The following RBMS3 variants were observed in gnomAD, a reference collection of about 807,000 sequenced individuals.
RBMS3 encodes the protein RNA-binding motif, single-stranded-interacting protein 3.
Under a neutral mutation model 66.8 loss-of-function variants are expected in RBMS3, and 27 were observed. The ratio of observed to expected loss-of-function variants is 0.40; its 90% CI spans 0.30 to 0.56. The LOEUF (loss-of-function observed/expected upper bound fraction) is 0.56, where lower values mean the gene tolerates loss of function less well. Among genes scored for constraint, RBMS3 ranks in the 20% least tolerant of loss-of-function variants. The probability of loss-of-function intolerance (pLI) is 0.40; values close to 1 mark genes in which losing one functional copy is unlikely to be tolerated. For missense variants in RBMS3, 513 were observed against 549.5 expected (o/e 0.93, Z 0.66); for synonymous variants, 188 against 183.0 (o/e 1.03, Z -0.22).
At chr3:29,720,442 T>C (rs933709514) in intron 4 of RBMS3, among the ~76,000 whole-genome samples, 2 of 152,152 alleles carry the variant, frequency 1.3e-5, no homozygotes, top group African/African-American at 4.8e-5. Context: ...ATGGTAGTAG[T>C]AGTATTCTTG....
intron 1 of RBMS3, among the ~76,000 whole-genome samples, chr3:29,378,914 G>C (rs1472062248): frequency 6.6e-6 from 1 of 152,118 alleles, no homozygotes; most frequent in Admixed American, 6.5e-5. Context: ...AAGCTCAATG[G>C]TATTTGGGAG....
intron 1 of RBMS3, among the ~76,000 whole-genome samples, chr3:29,410,602 A>G (rs1431104279): frequency 1.3e-5 from 2 of 152,202 alleles, no homozygotes; most frequent in Non-Finnish European, 2.9e-5. Flanking sequence ...ATTGCCTCTA[A>G]TATTTGATGT....
intron 1 of RBMS3, among the ~76,000 whole-genome samples, chr3:29,434,412 T>C (rs576155042): frequency 1.5e-4 from 23 of 152,268 alleles, no homozygotes; most frequent in Non-Finnish European, 2.9e-4. Flanking sequence ...GTGACTGTTT[T>C]ATTTTATTAG....
chr3:29,307,927 T>C (rs1287217659), intron 1 of RBMS3, among the ~76,000 whole-genome samples: 1 of 151,704 alleles, frequency 6.6e-6, no homozygotes, highest in East Asian at 2.0e-4. Context: ...AATTAATGAG[T>C]GAATGATTGG....
intron 2 of RBMS3, 134 bp from the exon 3 acceptor site, chr3:29,488,307 T>G: frequency 1.4e-5 from 9 of 634,434 alleles, no homozygotes; most frequent in Non-Finnish European, 2.4e-5. Context: ...CATCCAGGTG[T>G]GAAATGGGAA....
At chr3:29,787,055 A>T (rs913329352) in intron 6 of RBMS3, among the ~76,000 whole-genome samples, 1 of 152,140 alleles carries the variant, frequency 6.6e-6, no homozygotes, top group Non-Finnish European at 1.5e-5. Flanking sequence ...AAGATATACA[A>T]ATGGCCAACA....
chr3:29,828,773 A>T (rs2058274984), intron 6 of RBMS3, among the ~76,000 whole-genome samples: 2 of 151,526 alleles, frequency 1.3e-5, no homozygotes, highest in Admixed American at 1.3e-4. Flanking sequence ...AAAAGTAGTG[A>T]TTTTTTTTTC....
At chr3:29,868,220 T>A (rs891629647) in intron 6 of RBMS3, among the ~76,000 whole-genome samples, 1 of 151,626 alleles carries the variant, frequency 6.6e-6, no homozygotes, top group Admixed American at 6.6e-5. Flanking sequence ...AATCTGGGAC[T>A]CACAAGTTAT....
At chr3:29,647,270 T>G (rs1043471241) in intron 4 of RBMS3, among the ~76,000 whole-genome samples, 3 of 152,184 alleles carry the variant, frequency 2.0e-5, no homozygotes, top group African/African-American at 7.2e-5. Context: ...TGAGCCACCG[T>G]GCACGGCCTC....
intron 3 of RBMS3, among the ~76,000 whole-genome samples, chr3:29,520,472 T>A (rs1362355985): frequency 6.6e-6 from 1 of 152,168 alleles, no homozygotes; most frequent in African/African-American, 2.4e-5. Context: ...TCGTTAGCTG[T>A]TTTATCTTGC....
At chr3:29,810,931 T>C (rs927709825) in intron 6 of RBMS3, among the ~76,000 whole-genome samples, 3 of 152,162 alleles carry the variant, frequency 2.0e-5, no homozygotes, top group Admixed American at 2.0e-4. Flanking sequence ...TTACTTACTT[T>C]TGATGTATGT....
intron 6 of RBMS3, among the ~76,000 whole-genome samples, chr3:29,837,656 T>TAA (rs201444818): frequency 3.0e-5 from 3 of 101,494 alleles, no homozygotes; most frequent in African/African-American, 4.3e-5. Flanking sequence ...CATATATATA[T>TAA]AATGAACATA....
At chr3:29,415,923 G>T (rs1428700042) in intron 1 of RBMS3, among the ~76,000 whole-genome samples, 1 of 152,116 alleles carries the variant, frequency 6.6e-6, no homozygotes, top group East Asian at 1.9e-4. Context: ...GTACCCTTCA[G>T]CATGTAGAGC....
intron 4 of RBMS3, among the ~76,000 whole-genome samples, chr3:29,723,494 A>G (rs1056565723): frequency 6.6e-6 from 1 of 152,234 alleles, no homozygotes; most frequent in African/African-American, 2.4e-5. Context: ...TGTTAAAATC[A>G]TTAATGACAT....
intron 12 of RBMS3, among the ~76,000 whole-genome samples, chr3:29,984,857 G>T (rs1049560986): frequency 1.3e-5 from 2 of 152,118 alleles, no homozygotes; most frequent in Non-Finnish European, 2.9e-5. Flanking sequence ...AGGGTCAGGG[G>T]CCCACTTGAG....
At chr3:29,396,361 A>G (rs2039549251) in intron 1 of RBMS3, among the ~76,000 whole-genome samples, 1 of 152,198 alleles carries the variant, frequency 6.6e-6, no homozygotes, top group African/African-American at 2.4e-5. Context: ...AAGTGACATA[A>G]CAATTAAATG....
At chr3:29,692,506 A>G (rs1422934197) in intron 4 of RBMS3, among the ~76,000 whole-genome samples, 1 of 152,096 alleles carries the variant, frequency 6.6e-6, no homozygotes. Context: ...AAAACGGAAC[A>G]ACAGAACCGT....
At chr3:29,526,062 C>T (rs942597634) in intron 3 of RBMS3, among the ~76,000 whole-genome samples, 2 of 152,082 alleles carry the variant, frequency 1.3e-5, no homozygotes, top group East Asian at 1.9e-4. Context: ...TGAGAAGGCA[C>T]CTTAAGGGAG....
intron 3 of RBMS3, among the ~76,000 whole-genome samples, chr3:29,518,642 C>A (rs556846691): frequency 6.6e-6 from 1 of 152,336 alleles, no homozygotes; most frequent in South Asian, 2.1e-4. Context: ...CCATTTTCAT[C>A]TCGTCAACAC....
Sources: gnomAD v4.1 joint callset for allele counts (sites outside exome capture counted in the v4.1 genomes callset) on GRCh38, gnomAD v4.1.1 for gene constraint, MANE v1.5 for transcripts, NCBI Gene and HGNC (gene_info 2026-07-23, HGNC 2026-07-21) for gene names.